The following GRAMD1B variants were observed in gnomAD, a reference collection of about 807,000 sequenced individuals.
The protein encoded by GRAMD1B is GRAM domain containing 1B, also known as protein Aster-B.
In GRAMD1B, 37 loss-of-function variants were observed where a neutral mutation model predicts 99.7. That is an observed-to-expected ratio of 0.37 (90% CI 0.29 to 0.49). The LOEUF is 0.49. Ranked by LOEUF, GRAMD1B falls within the 20% of genes least tolerant of loss-of-function variation. The pLI is 0.98. For missense variants in GRAMD1B, 888 were observed against 1,009.2 expected, an observed-to-expected ratio of 0.88 and a Z score of 1.63; for synonymous variants, 427 against 387.6, an observed-to-expected ratio of 1.10 and a Z score of -1.19.
At chr11:123,618,137 C>T (rs1399137858) in intron 17 of GRAMD1B, among the ~76,000 whole-genome samples, 2 of 152,158 alleles carry the variant, frequency 1.3e-5, no homozygotes, top group African/African-American at 4.8e-5. Context: ...AATTTAGCAC[C>T]CGTGGAAATA....
intron 1 of GRAMD1B, among the ~76,000 whole-genome samples, chr11:123,401,679 G>A (rs1947667613): frequency 6.6e-6 from 1 of 152,108 alleles, no homozygotes; most frequent in South Asian, 2.1e-4. Context: ...GAAGGAAGAC[G>A]GAATTGAGAG....
intron 1 of GRAMD1B, among the ~76,000 whole-genome samples, chr11:123,473,728 G>A (rs543931520): frequency 1.3e-5 from 2 of 152,234 alleles, no homozygotes; most frequent in East Asian, 3.9e-4. Context: ...CTTCTAACTC[G>A]GTAGACAAAT....
At chr11:123,434,515 G>A (rs1355954975) in intron 1 of GRAMD1B, among the ~76,000 whole-genome samples, 1 of 152,172 alleles carries the variant, frequency 6.6e-6, no homozygotes, top group Non-Finnish European at 1.5e-5. Context: ...GTGGCGGGGT[G>A]TGGTAGCTCA....
chr11:123,581,016 C>T (rs1949300483), intron 3 of GRAMD1B, among the ~76,000 whole-genome samples: 1 of 151,772 alleles, frequency 6.6e-6, no homozygotes. Flanking sequence ...GTAGAGCTCT[C>T]CTAGTCCCTG....
At chr11:123,558,634 C>T (rs1946399796) in intron 2 of GRAMD1B, among the ~76,000 whole-genome samples, 1 of 152,216 alleles carries the variant, frequency 6.6e-6, no homozygotes, top group African/African-American at 2.4e-5. Flanking sequence ...AGTCCAAGAT[C>T]TTTCCGTGGA....
chr11:123,595,353 C>T (rs1951146612), intron 6 of GRAMD1B, among the ~76,000 whole-genome samples: 1 of 151,600 alleles, frequency 6.6e-6, no homozygotes, highest in South Asian at 2.1e-4. Flanking sequence ...AGAATCTTGG[C>T]TCCCTGCAAC....
intron 2 of GRAMD1B, among the ~76,000 whole-genome samples, chr11:123,499,310 C>T (rs960864919): frequency 6.6e-6 from 1 of 152,146 alleles, no homozygotes; most frequent in Non-Finnish European, 1.5e-5. Flanking sequence ...AGATGTGGCT[C>T]CTTTGTCTTG....
At chr11:123,450,210 C>T (rs1375552692) in intron 1 of GRAMD1B, among the ~76,000 whole-genome samples, 1 of 152,126 alleles carries the variant, frequency 6.6e-6, no homozygotes, top group Non-Finnish European at 1.5e-5. Flanking sequence ...TTTTTTTCCC[C>T]ACCAAAGACC....
chr11:123,394,772 G>T (rs7928378), intron 1 of GRAMD1B, among the ~76,000 whole-genome samples: 15 of 152,294 alleles, frequency 9.8e-5, no homozygotes, highest in African/African-American at 3.6e-4. Flanking sequence ...AGTTCTAGAG[G>T]CTGGGGAGTT....
exon 1 of GRAMD1B, chr11:123,358,482 C>T (rs1401000083): frequency 6.6e-6 from 1 of 152,134 alleles, no homozygotes; most frequent in African/African-American, 2.4e-5. Flanking sequence ...CGGGGGAGTT[C>T]CGCTTCCTCC....
chr11:123,363,570 C>CTTTTTTTTTTGTTTT lies in GRAMD1B; in HGVS notation c.-176+4780_-176+4781insTGTTTTTTTTTTTTT, dbSNP rs1404217054. 3.8e-3 allele frequency among the ~76,000 whole-genome samples: 574 copies of CTTTTTTTTTTGTTTT among 151,314 alleles called. 4 individuals carry two copies. Among genetic ancestry groups the CTTTTTTTTTTGTTTT allele is most frequent in the African/African-American group, 0.013 (537 of 41,008 alleles). On this transcript the variant is annotated intron_variant, in intron 1 of 20. Coordinates refer to the GRAMD1B transcript ENST00000638157. ...TTCCCCTCTCATACTCTCTCTCATA[C>CTTTTTTTTTTGTTTT]TTTTTTTTTGTTTGTTTTTTTTTGG...
At chr11:123,365,906 T>C (rs987887848) in intron 1 of GRAMD1B, among the ~76,000 whole-genome samples, 1 of 152,198 alleles carries the variant, frequency 6.6e-6, no homozygotes, top group African/African-American at 2.4e-5. Flanking sequence ...TAAAGGTGAC[T>C]CCTGCCCCAT....
At chr11:123,425,798 T>C (rs1247672060), upstream of GRAMD1B, among the ~76,000 whole-genome samples, 1 of 152,232 alleles carries the variant, frequency 6.6e-6, no homozygotes, top group Non-Finnish European at 1.5e-5. Flanking sequence ...TCCTCCACAC[T>C]GCTTCTCTAA....
chr11:123,540,928 T>A (rs980135487), intron 2 of GRAMD1B, among the ~76,000 whole-genome samples: 5 of 152,182 alleles, frequency 3.3e-5, no homozygotes, highest in African/African-American at 9.6e-5. Flanking sequence ...TAGTTTTTTT[T>A]AATTTAAAAA....
intron 2 of GRAMD1B, among the ~76,000 whole-genome samples, chr11:123,530,946 A>G (rs1481488709): frequency 1.3e-5 from 2 of 152,144 alleles, no homozygotes; most frequent in Non-Finnish European, 2.9e-5. Context: ...AAGTGGGATT[A>G]AATGAGTGTT....
intron 2 of GRAMD1B, among the ~76,000 whole-genome samples, chr11:123,487,262 G>A (rs1937927563): frequency 6.6e-6 from 1 of 152,176 alleles, no homozygotes; most frequent in Non-Finnish European, 1.5e-5. Context: ...GCTACTCTGG[G>A]GTGAGGGCAG....
intron 2 of GRAMD1B, among the ~76,000 whole-genome samples, chr11:123,516,627 G>A (rs1216749115): frequency 6.6e-6 from 1 of 152,068 alleles, no homozygotes; most frequent in Non-Finnish European, 1.5e-5. Context: ...CAGACTTAAT[G>A]TAAGTCAGCT....
chr11:123,535,237 AT>A (rs1943839844), intron 2 of GRAMD1B, among the ~76,000 whole-genome samples: 1 of 130,062 alleles, frequency 7.7e-6, no homozygotes, highest in Non-Finnish European at 1.7e-5. Flanking sequence ...TGAGCTTTCC[AT>A]TTAAAAAAAA....
chr11:123,411,080 C>G (rs922505275), intron 1 of GRAMD1B, among the ~76,000 whole-genome samples: 1 of 151,926 alleles, frequency 6.6e-6, no homozygotes, highest in Non-Finnish European at 1.5e-5. Context: ...TCTCGGCTCA[C>G]TGCAAGCTCC....
Sources: allele counts gnomAD v4.1 joint callset (sites outside exome capture counted in the v4.1 genomes callset), GRCh38; gene constraint gnomAD v4.1.1; transcripts MANE v1.5; gene names NCBI Gene and HGNC (gene_info 2026-07-23, HGNC 2026-07-21).